The following ANK3 variants were observed in gnomAD, a reference collection of about 807,000 sequenced individuals.
The protein encoded by ANK3 is ankyrin-3.
A neutral mutation model predicts 370.9 loss-of-function variants in ANK3; 57 were observed. The ratio of observed to expected loss-of-function variants is 0.15; its 90% confidence interval spans 0.12 to 0.19. The LOEUF (loss-of-function observed/expected upper bound fraction) is 0.19. Ranked by LOEUF, ANK3 falls within the 10% of genes least tolerant of loss-of-function variation. ANK3 has a pLI of 1.00. For missense variants in ANK3, 4,439 were observed against 5,302.1 expected (o/e 0.84, Z 5.06); for synonymous variants, 1,929 against 1,946.3 (o/e 0.99, Z 0.23).
intron 1 of ANK3, among the ~76,000 whole-genome samples, chr10:60,363,075 C>T (rs527486288): frequency 7.2e-3 from 105 of 14,604 alleles, no homozygotes; most frequent in Admixed American, 0.056. Flanking sequence ...GGGGTTGCGG[C>T]GGGCGGGCGG....
rs767721464 is a variant in ANK3 at position 60,086,697 on chromosome 10, C to T, written c.3728G>A (p.Arg1243His). 36 of 1,613,532 alleles carry T rather than the reference C, an allele frequency of 2.2e-5. No homozygotes were observed. In the Middle Eastern group the frequency reaches 6.6e-4, roughly 29 times the overall value. The change falls in exon 30 of 44, where the codon CGT becomes CAT. Residue 1243 changes from arginine (R) to histidine (H), a missense_variant. Arg to His is a conservative substitution (Grantham distance 29). Coordinates refer to ENST00000280772, the MANE Select transcript of ANK3 (RefSeq NM_020987.5). ...CAAACCTGTAATGCTACAGAGAAGA[C>T]GCAGATTGGGTGTAGTGTCCCCTTT... Reference protein sequence around the residue: ...GYKGDTTPNLRLLCSITGGTS... With the variant: ...GYKGDTTPNLHLLCSITGGTS...
At chr10:60,287,185 T>A (rs2040208791) in intron 1 of ANK3, among the ~76,000 whole-genome samples, 1 of 152,188 alleles carries the variant, frequency 6.6e-6, no homozygotes, top group Non-Finnish European at 1.5e-5. Context: ...GTAAAACAGT[T>A]TTTGCTTTCA....
chr10:60,382,797 C>CTATATATATATATA (rs5785442), intron 1 of ANK3, among the ~76,000 whole-genome samples: 2,853 of 133,298 alleles, frequency 0.021, 41 homozygotes, highest in Non-Finnish European at 0.031. Flanking sequence ...ATACCTAAAT[C>CTATATATATATATA]TATATATATA....
intron 1 of ANK3, among the ~76,000 whole-genome samples, chr10:60,305,478 C>T (rs2044823294): frequency 1.3e-5 from 2 of 151,718 alleles, no homozygotes; most frequent in Non-Finnish European, 2.9e-5. Flanking sequence ...TTACTCTGCA[C>T]ATTTAATTTA....
intron 11 of ANK3, 52 bp from the exon 12 acceptor site, chr10:60,203,152 TTGTC>T: frequency 7.3e-7 from 1 of 1,378,372 alleles, no homozygotes. Flanking sequence ...TAAAAAAGGT[TTGTC>T]TGTGAGCCTG....
intron 2 of ANK3, among the ~76,000 whole-genome samples, chr10:60,547,142 G>T (rs1441342810): frequency 7.1e-6 from 1 of 140,826 alleles, no homozygotes; most frequent in Non-Finnish European, 1.5e-5. Context: ...CCAGGCTGCA[G>T]TGCAGTGGTG....
rs372070786 is a variant in ANK3 at position 60,069,119 on chromosome 10, T to C, written c.11762A>G (p.Asp3921Gly). Residue 3921 changes from aspartate (D) to glycine (G), a missense_variant, in exon 37 of 44, where the codon GAT (aspartate) becomes GGT (glycine). Asp to Gly is a moderately conservative substitution (Grantham distance 94). Transcript: ENST00000280772. ...SRIPVKNTHR[D>G]NIIAVRKACA... ...TGCTTTTCTAACTGCAATTATGTTATCCCTGTGTGTGTTTTTCACTGGAAT... is the reference window on the plus strand; with the variant it reads ...TGCTTTTCTAACTGCAATTATGTTACCCCTGTGTGTGTTTTTCACTGGAAT... 1.4e-5 allele frequency: 22 copies of C among 1,614,192 alleles called. No homozygotes were observed. The highest frequency in any genetic ancestry group is 1.9e-5 in the Non-Finnish European group (22 of 1,180,012).
At chr10:60,667,790 T>A (rs979037845) in intron 1 of ANK3, among the ~76,000 whole-genome samples, 4 of 151,448 alleles carry the variant, frequency 2.6e-5, no homozygotes, top group Non-Finnish European at 4.4e-5. Flanking sequence ...CTCAGCTCAG[T>A]TCTATCCTCA....
In ANK3 at chr10:60,700,085, G is replaced by A. The variant is rs951386055; in HGVS notation, c.57+33178C>T. Among the ~76,000 whole-genome samples the A allele has an allele frequency of 9.9e-5, 15 of 152,182 alleles. No homozygotes were observed. The East Asian group carries it at 2.7e-3, about 27-fold the overall frequency. The stretch of plus-strand genomic sequence containing the variant: ...CTTTCCCATACCCACTCCTCTCCCA[G>A]TCAGCTTCTGGGGACTTTTTGATTG... On this transcript the variant is annotated intron_variant, in intron 1 of 43. Transcript: ENST00000373827.
At chr10:60,242,034 T>C (rs1256716920) in intron 7 of ANK3, among the ~76,000 whole-genome samples, 1 of 152,184 alleles carries the variant, frequency 6.6e-6, no homozygotes, top group Non-Finnish European at 1.5e-5. Flanking sequence ...ATGTGTGGAT[T>C]TTTGTTCTTA....
At chr10:60,370,423 T>C (rs2059955054) in intron 1 of ANK3, among the ~76,000 whole-genome samples, 2 of 152,166 alleles carry the variant, frequency 1.3e-5, no homozygotes, top group Non-Finnish European at 2.9e-5. Flanking sequence ...TAAAAATCGC[T>C]ATGAATAGCA....
intron 2 of ANK3, among the ~76,000 whole-genome samples, chr10:60,549,789 T>C (rs781169207): frequency 1.3e-5 from 2 of 152,168 alleles, no homozygotes; most frequent in African/African-American, 2.4e-5. Flanking sequence ...GCAGTACATA[T>C]ACAGGTACAT....
chr10:60,072,168 G>T lies in ANK3; in HGVS notation c.8713C>A (p.Arg2905Ser), dbSNP rs757636476. The stretch of plus-strand genomic sequence containing the variant: ...AGAGAGCCGTTTGTTAACAATTTGC[G>T]TTCTCTCTCAGTCACAGACATAAAT... ...NEFMSVTERERKLLTNGSLSE... is the reference protein window; with the variant it reads ...NEFMSVTERESKLLTNGSLSE... Residue 2905 changes from arginine (R) to serine (S), a missense_variant, in exon 37 of 44, where the codon CGC becomes AGC. By Grantham distance (110) the Arg-to-Ser change is moderately radical. Around this residue, in one of 13 missense-constraint regions of ANK3, gnomAD observed 1,601 missense variants for 1,731.7 expected, o/e 0.92. Coordinates refer to ENST00000280772, the MANE Select transcript of ANK3 (RefSeq NM_020987.5). The T allele has an allele frequency of 6.2e-7, 1 of 1,613,704 alleles. No homozygotes were observed.
At chr10:60,457,905 G>A (rs1013833203) in intron 2 of ANK3, among the ~76,000 whole-genome samples, 1 of 152,030 alleles carries the variant, frequency 6.6e-6, no homozygotes, top group Non-Finnish European at 1.5e-5. Flanking sequence ...AGAAGACATG[G>A]CCTGAATCAG....
intron 1 of ANK3, among the ~76,000 whole-genome samples, chr10:60,383,528 C>T (rs1160916798): frequency 2.0e-5 from 3 of 152,154 alleles, no homozygotes; most frequent in African/African-American, 7.2e-5. Flanking sequence ...CTCTCATACA[C>T]TCATTCACCA....
intron 1 of ANK3, among the ~76,000 whole-genome samples, chr10:60,648,053 G>C (rs1246757976): frequency 6.6e-6 from 1 of 150,738 alleles, no homozygotes; most frequent in Non-Finnish European, 1.5e-5. Context: ...TCACATGTTG[G>C]CCAGGATGGT....
At chr10:60,261,754 G>T in intron 7 of ANK3, 105 bp downstream of exon 7, 1 of 907,428 alleles carries the variant, frequency 1.1e-6, no homozygotes, top group Non-Finnish European at 1.7e-6. Flanking sequence ...TCACTGACTG[G>T]AAGGACTCTT....
intron 1 of ANK3, among the ~76,000 whole-genome samples, chr10:60,377,709 C>T (rs950145225): frequency 1.3e-5 from 2 of 152,118 alleles, no homozygotes; most frequent in South Asian, 2.1e-4. Context: ...GAATAATCTG[C>T]GAACAGAATA....
intron 18 of ANK3, among the ~76,000 whole-genome samples, chr10:60,175,424 A>G (rs1439617014): frequency 1.3e-5 from 2 of 152,302 alleles, no homozygotes; most frequent in Non-Finnish European, 2.9e-5. Context: ...AAATTTTTCA[A>G]AGACTCCCTA....
Sources: allele counts gnomAD v4.1 joint callset (sites outside exome capture counted in the v4.1 genomes callset), GRCh38; gene constraint gnomAD v4.1.1; regional missense constraint gnomAD v4.1.1; transcripts MANE v1.5; gene names NCBI Gene and HGNC (gene_info 2026-07-23, HGNC 2026-07-21).